G6PD: variants seen among roughly 807,000 people sequenced by gnomAD.
G6PD encodes glucose-6-phosphate 1-dehydrogenase.
G6PD carries 2 observed loss-of-function variants against 38.2 expected under a neutral mutation model. The ratio of observed to expected loss-of-function variants is 0.05; its 90% CI spans 0.02 to 0.16. The LOEUF (loss-of-function observed/expected upper bound fraction) is 0.16, where lower values mean the gene tolerates loss of function less well. Among genes scored for constraint, G6PD ranks in the 10% least tolerant of loss-of-function variants. G6PD has a pLI of 1.00. For synonymous variants in G6PD, 188 were observed against 196.0 expected (o/e 0.96, Z 0.34); for missense variants, 310 against 471.6 (o/e 0.66, Z 3.17).
intron 2 of G6PD, among the ~76,000 whole-genome samples, chrX:154,538,081 G>A (rs1164216229): frequency 1.9e-5 from 2 of 106,596 alleles, no homozygotes; most frequent in African/African-American, 6.9e-5. Context: ...TGCAACCTCT[G>A]CCTCTGGGCT....
chrX:154,540,079 T>C (rs928799102), intron 2 of G6PD, among the ~76,000 whole-genome samples: 1 of 109,162 alleles, frequency 9.2e-6, no homozygotes, highest in Non-Finnish European at 1.9e-5. Context: ...TGGTGGCTCA[T>C]GCCTGTAACC....
intron 2 of G6PD, chrX:154,542,409 G>C: frequency 8.3e-7 from 1 of 1,200,754 alleles, no homozygotes; most frequent in Non-Finnish European, 1.1e-6. Context: ...TGCTGTTCCA[G>C]GCGCACACTA....
chrX:154,535,083 C>T (rs1027988931), intron 5 of G6PD, 85 bp downstream of exon 5: 18 of 964,332 alleles, frequency 1.9e-5, no homozygotes, highest in South Asian at 1.6e-4. Context: ...CCCAGATCCC[C>T]GGCCCCGGAC....
rs1339384762 is a variant in G6PD at position 154,544,241 on chromosome X, A to G, written c.120+1795T>C. ...CAGTGGCGCGATCTCAGCTCACTGC[A>G]ACCTCTGACTCCCTGATTCAAGCGA... On this transcript the variant is annotated intron_variant, in intron 2 of 12. Transcript: ENST00000393562. Among the ~76,000 whole-genome samples the G allele has an allele frequency of 8.2e-5, 9 of 109,349 alleles. No homozygotes were observed. In the Admixed American group the frequency reaches 8.8e-4, roughly 11 times the overall value. 95.0% of individuals were successfully genotyped at this position (109,349 alleles called of 115,157 possible).
Position 154,532,205 on chromosome X carries a change from G to A in G6PD, c.1440C>T (p.Ile480=). 1.7e-6 allele frequency: 2 copies of A among 1,211,688 alleles called. No homozygotes were observed. Among genetic ancestry groups the A allele is most frequent in the Non-Finnish European group, 1.1e-6 (1 of 895,358 alleles). ...HQIELEKPKP[I]PYIYGSRGPT... ...TTCCTCACCTGCCATAAATATAGGG[G>A]ATGGGCTTGGGCTTCTCCAGCTCAA... The change falls in exon 12 of 13, where the codon ATC becomes ATT. Residue 480 remains isoleucine (I), a synonymous_variant. Coordinates refer to ENST00000393562, the MANE Select transcript of G6PD (RefSeq NM_001360016.2).
intron 5 of G6PD, among the ~76,000 whole-genome samples, chrX:154,534,711 A>T (rs1480697331): frequency 3.6e-5 from 4 of 111,254 alleles, no homozygotes; most frequent in African/African-American, 1.3e-4. Context: ...CATTGCTGGC[A>T]TGCTGCCGGG....
At chrX:154,542,213 T>C in intron 2 of G6PD, 4 of 841,528 alleles carry the variant, frequency 4.8e-6, no homozygotes, top group Non-Finnish European at 6.8e-6. Flanking sequence ...CGCTGGGTCA[T>C]CCCTCCCACA....
chrX:154,535,106 T>C lies in G6PD; in HGVS notation c.485+62A>G, dbSNP rs1017435947. ...CCCGGCCCCGGACACGCTCATAGAG[T>C]GGTGGGAGCACTGCCTGGGCCAGCC... On this transcript the variant is annotated intron_variant, in intron 5 of 12. Coordinates refer to ENST00000393562, the MANE Select transcript of G6PD (RefSeq NM_001360016.2). The C allele has an allele frequency of 8.6e-6, 9 of 1,046,834 alleles. No homozygotes were observed. The African/African-American group carries it at 9.4e-5, about 11-fold the overall frequency. The allele number at this position is 1,046,834 out of a possible 1,213,427, so 86.3% of individuals were successfully genotyped here. A position where few individuals can be genotyped will look rare whatever the true frequency, so the allele number is the denominator to read the frequency against.
chrX:154,546,255 C>A, intron 1 of G6PD, 92 bp from the exon 2 acceptor site: 2 of 1,104,131 alleles, frequency 1.8e-6, no homozygotes, highest in Non-Finnish European at 2.5e-6. Context: ...GGGTCTCACA[C>A]CAGGGTGACA....
At position 154,533,919 on chromosome X, in the gene G6PD, A is replaced by G; in HGVS notation, c.770+116T>C. 3 of 1,203,350 alleles carry G rather than the reference A, an allele frequency of 2.5e-6. No homozygotes were observed. The African/African-American group carries it at 5.2e-5, about 21-fold the overall frequency. On this transcript the variant is annotated intron_variant, in intron 7 of 12. Transcript: ENST00000393562. ...GCCCGGTCTGATAGCTCAGACACTT[A>G]GGTTTTGAACTGCAGGGTGAGGAGG...
At position 154,546,782 on chromosome X, in the gene G6PD, C is replaced by G. The variant is rs781989843; in HGVS notation, c.-9+7G>C. 1,643 of 1,155,065 alleles carry G rather than the reference C, an allele frequency of 1.4e-3. No homozygotes were observed. The highest frequency in any genetic ancestry group is 1.8e-3 in the Non-Finnish European group (1,571 of 868,321). On this transcript the variant is annotated splice_region_variant and intron_variant, in intron 1 of 12. Coordinates refer to ENST00000393562, the MANE Select transcript of G6PD (RefSeq NM_001360016.2). Reference sequence around the variant, plus strand: ...TCCGCCTGCGCGGCGCCCGCCCGGCCGGTTACCTGCGCTTCGTCGTCGTCG... The same window carrying G: ...TCCGCCTGCGCGGCGCCCGCCCGGCGGGTTACCTGCGCTTCGTCGTCGTCG...
chrX:154,535,088 C>T lies in G6PD; in HGVS notation c.485+80G>A, dbSNP rs951941986. 8.0e-6 allele frequency: 8 copies of T among 997,616 alleles called. No individual in the cohort carries two copies. In the African/African-American group the frequency reaches 1.3e-4, roughly 16 times the overall value. 82.2% of individuals were successfully genotyped at this position (997,616 alleles called of 1,213,427 possible). ...ATGGATGCTGCCCAGATCCCCGGCC[C>T]CGGACACGCTCATAGAGTGGTGGGA... On this transcript the variant is annotated intron_variant, in intron 5 of 12. Transcript: ENST00000393562.
intron 8 of G6PD, 56 bp downstream of exon 8, chrX:154,533,520 G>A (rs2070367438): frequency 5.0e-6 from 6 of 1,191,758 alleles, no homozygotes; most frequent in South Asian, 1.8e-5. Context: ...TCAGTGCCTC[G>A]TCACAGATGG....
intron 2 of G6PD, among the ~76,000 whole-genome samples, chrX:154,542,954 T>C (rs2070563512): frequency 8.9e-6 from 1 of 112,132 alleles, no homozygotes; most frequent in African/African-American, 3.2e-5. Context: ...AAGTACCCAA[T>C]CGCTGTCTGC....
chrX:154,543,844 C>T (rs183986135), intron 2 of G6PD, among the ~76,000 whole-genome samples: 1 of 108,435 alleles, frequency 9.2e-6, no homozygotes, highest in Non-Finnish European at 1.9e-5. Flanking sequence ...CAGATGGGTG[C>T]CACTACACCT....
intron 2 of G6PD, among the ~76,000 whole-genome samples, chrX:154,542,686 C>T (rs1467498169): frequency 8.9e-6 from 1 of 112,057 alleles, no homozygotes; most frequent in African/African-American, 3.2e-5. Context: ...CACTTGCCTG[C>T]TTTCAGTTTC....
chrX:154,547,552 C>G (rs1468534177), upstream of G6PD: 1 of 754,139 alleles, frequency 1.3e-6, no homozygotes, highest in African/African-American at 2.3e-5. Flanking sequence ...TCACACTTCT[C>G]GCCGGCTTCC....
At chrX:154,546,197 G>A (rs982775732) in intron 1 of G6PD, 34 bp from the exon 2 acceptor site, 75 of 1,206,876 alleles carry the variant, frequency 6.2e-5, no homozygotes, top group Non-Finnish European at 8.4e-5. Context: ...CAAGGCAGAA[G>A]AACAGGAGAG....
chrX:154,537,012 T>A (rs1366217132), intron 2 of G6PD, among the ~76,000 whole-genome samples: 1 of 111,918 alleles, frequency 8.9e-6, no homozygotes, highest in African/African-American at 3.2e-5. Context: ...GTTGCTTTTT[T>A]AAAAGGGCAT....
Sources: allele counts gnomAD v4.1 joint callset (sites outside exome capture counted in the v4.1 genomes callset), GRCh38; gene constraint gnomAD v4.1.1; transcripts MANE v1.5; gene names NCBI Gene and HGNC (gene_info 2026-07-23, HGNC 2026-07-21).